Variants in SLC12A3 observed in about 807,000 individuals in gnomAD.
SLC12A3 encodes the protein solute carrier family 12 member 3.
SLC12A3 carries 104 observed loss-of-function variants against 121.0 expected under a neutral mutation model. The observed-to-expected ratio is 0.86, with a 90% CI of 0.73 to 1.01. SLC12A3 has a LOEUF of 1.01. Ranked by LOEUF, SLC12A3 falls within the 50% of genes least tolerant of loss-of-function variation. The probability of loss-of-function intolerance (pLI) is 0.00; values close to 1 mark genes in which losing one functional copy is unlikely to be tolerated. For synonymous variants in SLC12A3, 536 were observed against 533.4 expected (o/e 1.00, Z -0.07); for missense variants, 1,328 against 1,356.3 (o/e 0.98, Z 0.33).
chr16:56,899,036 A>G (rs1406077662), intron 22 of SLC12A3, among the ~76,000 whole-genome samples: 1 of 152,200 alleles, frequency 6.6e-6, no homozygotes, highest in Non-Finnish European at 1.5e-5. Context: ...GCCACCAGAT[A>G]CTTGGGAAAG....
intron 21 of SLC12A3, 134 bp from the exon 22 acceptor site, chr16:56,894,397 A>G: frequency 1.4e-6 from 1 of 711,174 alleles, no homozygotes; most frequent in Non-Finnish European, 2.6e-6. Flanking sequence ...AGCCATGTTC[A>G]TTATACAGAT....
At chr16:56,912,964 A>G (rs1429252313) in intron 25 of SLC12A3, among the ~76,000 whole-genome samples, 1 of 152,144 alleles carries the variant, frequency 6.6e-6, no homozygotes, top group Non-Finnish European at 1.5e-5. Context: ...AGGAATGGAA[A>G]GAAAGCCACA....
At position 56,904,472 on chromosome 16, in the gene SLC12A3, G is replaced by T. The variant is rs774378615; in HGVS notation, c.2924+10G>T. 1 of 1,613,286 alleles carries T rather than the reference G, an allele frequency of 6.2e-7. No homozygotes were observed. Among genetic ancestry groups the T allele is most frequent in the South Asian group, 1.1e-5 (1 of 91,076 alleles). Reference sequence around the variant, plus strand: ...CTGCTCTCATCGTCATGTAAGTAGTGCCCGGCTGGTGGGAGGACCAGTCTG... The same window carrying T: ...CTGCTCTCATCGTCATGTAAGTAGTTCCCGGCTGGTGGGAGGACCAGTCTG... On this transcript the variant is annotated intron_variant, in intron 25 of 25. Transcript: ENST00000563236.
chr16:56,873,374 CTTTTTTTTTTTTTT>C (rs59478629), intron 8 of SLC12A3, among the ~76,000 whole-genome samples: 2,421 of 75,620 alleles, frequency 0.032, 102 homozygotes, highest in African/African-American at 0.12. Context: ...CTCTTTCTTT[CTTTTTTTTTTTTTT>C]TTTTTTTTTT....
chr16:56,876,876 C>T (rs2055170560), intron 8 of SLC12A3, among the ~76,000 whole-genome samples: 1 of 152,106 alleles, frequency 6.6e-6, no homozygotes, highest in South Asian at 2.1e-4. Flanking sequence ...TGTAAAAATC[C>T]CAGCCTGTGT....
Position 56,873,374 on chromosome 16 carries a change from C to CTTTTTTTT in SLC12A3, c.1095+610_1095+617dup, listed in dbSNP as rs59478629. ...AAGTCTGTTCTGTTTCTCTTTCTTT[C>CTTTTTTTT]TTTTTTTTTTTTTTTTTTTTTTTTT... On this transcript the variant is annotated intron_variant, in intron 8 of 25. Transcript: ENST00000563236. Among the ~76,000 whole-genome samples, 184 of 75,354 alleles carry CTTTTTTTT rather than the reference C, an allele frequency of 2.4e-3. 2 individuals are homozygous for CTTTTTTTT. The highest frequency in any genetic ancestry group is 0.012 in the Middle Eastern group (1 of 82). The allele number at this position is 75,354 out of a possible 152,430, so 49.4% of individuals were successfully genotyped here.
rs559112716 is a variant in SLC12A3, at chr16:56,865,765, G to A, written c.282+248G>A. ...CCTAGAGAGGTAATGAGCTTCCAGT[G>A]AGTAGAAGCATGCAAGCAGGTTGCA... is the stretch of plus-strand genomic sequence containing the variant. On this transcript the variant is annotated intron_variant, in intron 1 of 25. Coordinates refer to ENST00000563236, the MANE Select transcript of SLC12A3 (RefSeq NM_001126108.2). 2.0e-3 allele frequency among the ~76,000 whole-genome samples: 302 copies of A among 152,308 alleles called. 1 individual carries two copies. The highest frequency in any genetic ancestry group is 2.4e-3 in the Non-Finnish European group (166 of 68,024).
At chr16:56,878,020 G>GTCCCTCCCTCCCTCGCTCCC in intron 8 of SLC12A3, 57 bp from the exon 9 acceptor site, 1 of 598,944 alleles carries the variant, frequency 1.7e-6, no homozygotes, top group East Asian at 5.1e-5. Context: ...AATGTCCTCC[G>GTCCCTCCCTCCCTCGCTCCC]TCCCTCCCTC....
intron 23 of SLC12A3, among the ~76,000 whole-genome samples, chr16:56,900,997 C>T (rs369813125): frequency 6.6e-6 from 1 of 152,186 alleles, no homozygotes; most frequent in African/African-American, 2.4e-5. Flanking sequence ...CCCCCGCTGT[C>T]TGAGACCACT....
Position 56,879,136 on chromosome 16 carries a change from C to T in SLC12A3, c.1244C>T (p.Ala415Val), listed in dbSNP as rs758595503. 2 of 1,613,838 alleles carry T rather than the reference C, an allele frequency of 1.2e-6. No homozygotes were observed. Among genetic ancestry groups the T allele is most frequent in the South Asian group, 1.1e-5 (1 of 91,054 alleles). Residue 415 changes from alanine (A) to valine (V), a missense_variant, in exon 10 of 26, where the codon GCC becomes GTC. Coordinates refer to ENST00000563236, the MANE Select transcript of SLC12A3 (RefSeq NM_001126108.2). ...GACACAGTGACCCCTGGCTGGGGTG[C>T]CTGCGAGGGGCTGGCCTGCAGCTAT... ...LNDTVTPGWGACEGLACSYGW... is the reference protein window; with the variant it reads ...LNDTVTPGWGVCEGLACSYGW...
In SLC12A3 at chr16:56,904,385, T is replaced by TC; in HGVS notation, c.2857-7dup. ...TATGGGAAGTGACCACTCGGCTTTC[T>TC]CCCGCCCAGTCCCTTCGGCAGGTGA... On this transcript the variant is annotated splice_polypyrimidine_tract_variant and intron_variant, in intron 24 of 25. Coordinates refer to ENST00000563236, the MANE Select transcript of SLC12A3 (RefSeq NM_001126108.2). 6.2e-7 allele frequency: 1 copy of TC among 1,613,622 alleles called. No individual in the cohort carries two copies.
intron 8 of SLC12A3, among the ~76,000 whole-genome samples, chr16:56,876,161 T>G (rs1305267535): frequency 6.6e-6 from 1 of 152,094 alleles, no homozygotes; most frequent in Admixed American, 6.6e-5. Context: ...CTCCAATCTC[T>G]GTCTCTGTCT....
At chr16:56,884,413 C>A (rs2055283851) in intron 14 of SLC12A3, among the ~76,000 whole-genome samples, 1 of 151,910 alleles carries the variant, frequency 6.6e-6, no homozygotes, top group African/African-American at 2.4e-5. Flanking sequence ...CTAAGCCACC[C>A]CTGGGCACCC....
intron 24 of SLC12A3, 137 bp from the exon 25 acceptor site, chr16:56,904,256 CTA>C: frequency 9.5e-6 from 8 of 838,226 alleles, no homozygotes; most frequent in Non-Finnish European, 1.6e-5. Context: ...ACAGGAGACT[CTA>C]TAAGAATTTA....
intron 12 of SLC12A3, among the ~76,000 whole-genome samples, chr16:56,881,486 T>G (rs534786737): frequency 5.3e-4 from 81 of 152,164 alleles, no homozygotes; most frequent in African/African-American, 1.8e-3. Flanking sequence ...GACCATGATC[T>G]CAGATGCTCC....
At chr16:56,875,519 C>T (rs1295759856) in intron 8 of SLC12A3, among the ~76,000 whole-genome samples, 3 of 152,086 alleles carry the variant, frequency 2.0e-5, no homozygotes, top group African/African-American at 7.2e-5. Flanking sequence ...GCAGAGGAGC[C>T]GGAATGCCAG....
Position 56,890,294 on chromosome 16 carries a change from A to G in SLC12A3, c.2306A>G (p.Tyr769Cys). Residue 769 changes from tyrosine (Y) to cysteine (C), a missense_variant, in exon 19 of 26, where the codon TAT becomes TGT. By Grantham distance (194) the Tyr-to-Cys change is radical. Coordinates refer to ENST00000563236, the MANE Select transcript of SLC12A3 (RefSeq NM_001126108.2). ...GILHDAFDFN[Y>C]GVCVMRMREG... ...TCCAGTGATGCCTTTGATTTCAACTATGGCGTGTGTGTCATGAGGATGCGG... is the reference window on the plus strand; with the variant it reads ...TCCAGTGATGCCTTTGATTTCAACTGTGGCGTGTGTGTCATGAGGATGCGG... The G allele has an allele frequency of 6.2e-7, 1 of 1,614,108 alleles. No homozygotes were observed.
At chr16:56,901,345 C>CTTTTTTTTTTTTTTTTTTTTTTTTTTT (rs1408480661) in intron 23 of SLC12A3, among the ~76,000 whole-genome samples, 1 of 84,166 alleles carries the variant, frequency 1.2e-5, no homozygotes, top group African/African-American at 6.2e-5. Context: ...ATCTCTCTCT[C>CTTTTTTTTTTTTTTTTTTTTTTTTTTT]TCTTTTTTTT....
In SLC12A3 at chr16:56,915,828, C is replaced by T. The variant is rs545437813; in HGVS notation, c.*2423C>T. Reference sequence around the variant, plus strand: ...CCATAAACAATGAAATGAATAAAAACGGTGGTCATTCAGTCAACGGAACTT... The same window carrying T: ...CCATAAACAATGAAATGAATAAAAATGGTGGTCATTCAGTCAACGGAACTT... On this transcript the variant is annotated 3_prime_UTR_variant, in exon 26 of 26. Coordinates refer to ENST00000563236, the MANE Select transcript of SLC12A3 (RefSeq NM_001126108.2). 30 of 152,114 alleles carry T rather than the reference C, an allele frequency of 2.0e-4. No homozygotes were observed. In the East Asian group the frequency reaches 4.1e-3, roughly 21 times the overall value. The allele number at this position is 152,114 out of a possible 1,614,324, so 9.4% of individuals were successfully genotyped here. A position where few individuals can be genotyped will look rare whatever the true frequency, so the allele number is the denominator to read the frequency against.
Sources: gnomAD v4.1 joint callset for allele counts (sites outside exome capture counted in the v4.1 genomes callset) on GRCh38, gnomAD v4.1.1 for gene constraint, MANE v1.5 for transcripts, NCBI Gene and HGNC (gene_info 2026-07-23, HGNC 2026-07-21) for gene names.